The following SI variants were observed in gnomAD, a reference collection of about 807,000 sequenced individuals.
SI encodes sucrase-isomaltase, also known as sucrase-isomaltase, intestinal.
In SI, 235 loss-of-function variants were observed where a neutral mutation model predicts 253.3. That is an observed-to-expected ratio of 0.93 (90% confidence interval 0.83 to 1.03). SI has a LOEUF of 1.03. Ranked by LOEUF, SI falls within the 50% of genes least tolerant of loss-of-function variation. The pLI is 0.00. For missense variants in SI, 2,442 were observed against 2,211.1 expected (o/e 1.10, Z -2.09); for synonymous variants, 819 against 712.0 (o/e 1.15, Z -2.39).
chr3:164,980,957 T>C (rs1031244002), intron 47 of SI, among the ~76,000 whole-genome samples: 41 of 152,144 alleles, frequency 2.7e-4, no homozygotes, highest in Middle Eastern at 3.4e-3. Context: ...AAGTGATTTC[T>C]AATTGTGATT....
At chr3:165,026,238 G>C (rs1711913877) in intron 25 of SI, among the ~76,000 whole-genome samples, 1 of 151,166 alleles carries the variant, frequency 6.6e-6, no homozygotes, top group East Asian at 1.9e-4. Context: ...AGGCAAAGAT[G>C]GACATTATAA....
chr3:164,991,219 G>A (rs1269921633), intron 44 of SI, 134 bp downstream of exon 44: 2 of 904,082 alleles, frequency 2.2e-6, no homozygotes, highest in East Asian at 2.5e-5. Context: ...CTCTGACCTG[G>A]CATTCATGTT....
rs749411771 is a variant in SI, at chr3:165,023,779, A to G, written c.2893-3T>C. On this transcript the variant is annotated splice_polypyrimidine_tract_variant and splice_region_variant and intron_variant, in intron 25 of 47. Transcript: ENST00000264382. Reference sequence around the variant, plus strand: ...GGTGCTTTGGATAGAGAAGAACCCTAAAAACACAATGCATGTTCATTGCCA... The same window carrying G: ...GGTGCTTTGGATAGAGAAGAACCCTGAAAACACAATGCATGTTCATTGCCA... The G allele has an allele frequency of 6.2e-7, 1 of 1,603,974 alleles. No individual in the cohort carries two copies. Among genetic ancestry groups the G allele is most frequent in the Non-Finnish European group, 8.5e-7 (1 of 1,172,020 alleles).
In SI at chr3:165,046,855, A is replaced by G. The variant is rs761862749; in HGVS notation, c.1873T>C (p.Phe625Leu). The part of the protein sequence containing the change: ...SITGMLEFSL[F>L]GIPLVGADIC... ...AACTGTCTTACCAAAGGTATTCCAA[A>G]CAAACTGAACTCCAGCATTCCAGTT... The change falls in exon 16 of 48, where the codon TTT becomes CTT. Residue 625 changes from phenylalanine to leucine, a missense_variant. Transcript: ENST00000264382. 6.8e-6 allele frequency: 11 copies of G among 1,612,878 alleles called. No individual in the cohort carries two copies. Among genetic ancestry groups the G allele is most frequent in the East Asian group, 2.2e-5 (1 of 44,770 alleles).
chr3:165,022,630 T>C (rs780412937), intron 26 of SI, among the ~76,000 whole-genome samples: 13 of 149,924 alleles, frequency 8.7e-5, no homozygotes, highest in Non-Finnish European at 1.8e-4. Context: ...CACAAAATCT[T>C]CCATGCTTTT....
intron 22 of SI, 85 bp downstream of exon 22, chr3:165,036,304 T>G (rs1437742220): frequency 1.1e-6 from 1 of 886,694 alleles, no homozygotes; most frequent in East Asian, 2.5e-5. Context: ...TCGTGATATT[T>G]AAAAAATGAT....
At chr3:165,084,624 A>G in the SI span, among the ~76,000 whole-genome samples, 1 of 151,968 alleles carries the variant, frequency 6.6e-6, no homozygotes, top group African/African-American at 2.4e-5. Flanking sequence ...AATTGAAAAT[A>G]CATTTCCTTC....
intron 18 of SI, among the ~76,000 whole-genome samples, chr3:165,040,691 T>C (rs1712772420): frequency 6.6e-6 from 1 of 152,098 alleles, no homozygotes; most frequent in African/African-American, 2.4e-5. Flanking sequence ...TTTACTGATA[T>C]AATATCCTAA....
the SI span, among the ~76,000 whole-genome samples, chr3:165,084,349 A>G: frequency 6.6e-6 from 1 of 152,040 alleles, no homozygotes; most frequent in East Asian, 1.9e-4. Context: ...ACCCAGACAG[A>G]CTAAGATAGA....
At chr3:165,019,038 T>G (rs1300706743) in intron 28 of SI, among the ~76,000 whole-genome samples, 1 of 151,848 alleles carries the variant, frequency 6.6e-6, no homozygotes, top group African/African-American at 2.4e-5. Context: ...GTTTGGAATA[T>G]TATAGATAAT....
chr3:164,998,075 T>C (rs1039079064), intron 38 of SI, among the ~76,000 whole-genome samples: 6 of 151,852 alleles, frequency 4.0e-5, no homozygotes, highest in African/African-American at 1.4e-4. Flanking sequence ...GAATGGTCAT[T>C]CTGTTTTTAG....
chr3:164,996,060 G>A (rs1240039460), intron 40 of SI, among the ~76,000 whole-genome samples: 3 of 151,528 alleles, frequency 2.0e-5, no homozygotes, highest in South Asian at 2.1e-4. Flanking sequence ...TCTTTCAAAC[G>A]TGGTTCCGTT....
At chr3:165,016,744 G>A (rs966092891) in intron 31 of SI, among the ~76,000 whole-genome samples, 10 of 151,790 alleles carry the variant, frequency 6.6e-5, no homozygotes, top group Middle Eastern at 3.2e-3. Context: ...TCTGTTAGTT[G>A]ACATTATCTC....
intron 33 of SI, among the ~76,000 whole-genome samples, chr3:165,013,354 AAATTT>A (rs1348310213): frequency 6.6e-6 from 1 of 152,170 alleles, no homozygotes; most frequent in Non-Finnish European, 1.5e-5. Flanking sequence ...AATATAAGTT[AAATTT>A]AATTTAATAT....
chr3:165,067,251 T>G, intron 6 of SI, 89 bp downstream of exon 6: 1 of 1,041,696 alleles, frequency 9.6e-7, no homozygotes, highest in Non-Finnish European at 1.4e-6. Context: ...GGGAGGAAAT[T>G]TATTTCTACT....
Position 165,073,383 on chromosome 3 carries a change from A to G in SI, c.255+1148T>C, listed in dbSNP as rs144856234. 3.2e-3 allele frequency among the ~76,000 whole-genome samples: 486 copies of G among 152,170 alleles called. 1 individual carries two copies. The highest frequency in any genetic ancestry group is 6.8e-3 in the Middle Eastern group (2 of 294). ...CTTTCCTCAGTGTATCTCAGTAAATACTATGTTATTTAGCTCTTCTATCAG... is the reference window on the plus strand; with the variant it reads ...CTTTCCTCAGTGTATCTCAGTAAATGCTATGTTATTTAGCTCTTCTATCAG... On this transcript the variant is annotated intron_variant, in intron 3 of 47. Transcript: ENST00000264382.
chr3:164,995,493 A>G (rs935421551), intron 40 of SI, among the ~76,000 whole-genome samples: 17 of 151,912 alleles, frequency 1.1e-4, no homozygotes, highest in African/African-American at 3.9e-4. Context: ...GTACCAACTC[A>G]TATTTAAACT....
In SI at chr3:165,010,149, T is replaced by C. The variant is rs576027482; in HGVS notation, c.4063-754A>G. ...GTAGGAAATATAGAGATTTACAAAA[T>C]ACATATGATGGATTTTGTTTTTTTT... is the stretch of plus-strand genomic sequence containing the variant. On this transcript the variant is annotated intron_variant, in intron 34 of 47. Coordinates refer to ENST00000264382, the MANE Select transcript of SI (RefSeq NM_001041.4). 1.7e-3 allele frequency among the ~76,000 whole-genome samples: 251 copies of C among 152,118 alleles called. 1 individual carries two copies. Among genetic ancestry groups the C allele is most frequent in the Middle Eastern group, 3.4e-3 (1 of 294 alleles).
rs1432027166 is a variant in SI, at chr3:165,070,404, A to G, written c.256-1209T>C. The stretch of plus-strand genomic sequence containing the variant: ...TGTTTGAGTATGTATTTATATATTT[A>G]TACCCAAACACACATATACACATAT... On this transcript the variant is annotated intron_variant, in intron 3 of 47. Coordinates refer to ENST00000264382, the MANE Select transcript of SI (RefSeq NM_001041.4). Among the ~76,000 whole-genome samples, 5 of 149,104 alleles carry G rather than the reference A, an allele frequency of 3.4e-5. No homozygotes were observed. In the East Asian group the frequency reaches 9.8e-4, roughly 29 times the overall value.
Sources: allele counts gnomAD v4.1 joint callset (sites outside exome capture counted in the v4.1 genomes callset), GRCh38; gene constraint gnomAD v4.1.1; transcripts MANE v1.5; gene names NCBI Gene and HGNC (gene_info 2026-07-23, HGNC 2026-07-21).